Variants in NME7 observed in about 807,000 individuals in gnomAD.
NME7 encodes the protein nucleoside diphosphate kinase 7.
Under a neutral mutation model 49.1 loss-of-function variants are expected in NME7, and 41 were observed. The observed-to-expected ratio is 0.83, with a 90% CI of 0.65 to 1.08. The LOEUF is 1.08. Ranked by LOEUF, NME7 falls within the 50% of genes least tolerant of loss-of-function variation. The pLI, the probability that NME7 is intolerant of heterozygous loss-of-function variation, is 0.00. For synonymous variants in NME7, 139 were observed against 150.6 expected (o/e 0.92, Z 0.56); for missense variants, 423 against 463.4 (o/e 0.91, Z 0.80).
At chr1:169,176,583 T>C (rs1316803270) in intron 10 of NME7, among the ~76,000 whole-genome samples, 1 of 152,152 alleles carries the variant, frequency 6.6e-6, no homozygotes, top group African/African-American at 2.4e-5. Flanking sequence ...GTCTTTTTCA[T>C]TAGGTTTCAA....
chr1:169,133,968 G>A (rs961223778), intron 11 of NME7, among the ~76,000 whole-genome samples: 5 of 152,138 alleles, frequency 3.3e-5, no homozygotes, highest in African/African-American at 4.8e-5. Context: ...ACCTGTTTTC[G>A]TATGTATTGT....
chr1:169,181,364 T>TACAC (rs58453647), intron 10 of NME7, among the ~76,000 whole-genome samples: 2,832 of 91,500 alleles, frequency 0.031, 43 homozygotes, highest in South Asian at 0.053. Context: ...CTCAAATTCC[T>TACAC]ACACACACAC....
Position 169,230,729 on chromosome 1 carries a change from GT to G in NME7, c.978del (p.Pro327LeufsTer39). 1 of 1,596,022 alleles carries G rather than the reference GT, an allele frequency of 6.3e-7. No individual in the cohort carries two copies. Among genetic ancestry groups the G allele is most frequent in the Non-Finnish European group, 8.5e-7 (1 of 1,169,642 alleles). On this transcript the variant is annotated frameshift_variant, in exon 10 of 12. Coordinates refer to ENST00000367811, the MANE Select transcript of NME7 (RefSeq NM_013330.5). LOFTEE classifies it high-confidence loss of function. The part of the protein sequence containing the change: ...NATKTFREFC[G>X]PADPEIARHL... ...AAACAATAACTTACAGGATCAGCAG[GT>G]CCACAAAATTCTCGAAATGTCTTTG...
intron 10 of NME7, among the ~76,000 whole-genome samples, chr1:169,186,591 C>T (rs966651644): frequency 1.3e-5 from 2 of 152,066 alleles, no homozygotes; most frequent in African/African-American, 4.8e-5. Flanking sequence ...GTTTGTATTT[C>T]TGTGGGATTA....
chr1:169,208,742 A>C (rs1660740485), intron 10 of NME7, among the ~76,000 whole-genome samples: 1 of 152,116 alleles, frequency 6.6e-6, no homozygotes, highest in African/African-American at 2.4e-5. Flanking sequence ...GAAGTAAATT[A>C]TGTTAATTAA....
At chr1:169,217,592 T>C (rs888239074) in intron 10 of NME7, among the ~76,000 whole-genome samples, 3 of 152,212 alleles carry the variant, frequency 2.0e-5, no homozygotes, top group Admixed American at 2.0e-4. Flanking sequence ...CTGAAAACTA[T>C]CCAAATTGTA....
rs908410801 is a variant in NME7 at position 169,257,420 on chromosome 1, G to A, written c.755-19733C>T. Among the ~76,000 whole-genome samples the A allele has an allele frequency of 6.7e-5, 9 of 134,102 alleles. 1 individual carries two copies. Among genetic ancestry groups the A allele is most frequent in the South Asian group, 2.3e-4 (1 of 4,350 alleles). The allele number at this position is 134,102 out of a possible 152,430, so 88.0% of individuals were successfully genotyped here. A position where few individuals can be genotyped will look rare whatever the true frequency, so the allele number is the denominator to read the frequency against. ...GTGAGGCAATGCCTCGCCCTGCTTC[G>A]GCTTGCGAACGGTACGCGCACCCAC... On this transcript the variant is annotated intron_variant, in intron 7 of 11. Transcript: ENST00000367811.
intron 11 of NME7, among the ~76,000 whole-genome samples, chr1:169,134,311 A>G (rs982336584): frequency 6.6e-6 from 1 of 152,138 alleles, no homozygotes; most frequent in Non-Finnish European, 1.5e-5. Flanking sequence ...ATTTCTTTTT[A>G]ATCAGTTTAT....
At chr1:169,230,681 A>G (rs1217721182) in intron 10 of NME7, 37 bp downstream of exon 10, 4 of 1,422,488 alleles carry the variant, frequency 2.8e-6, no homozygotes, top group African/African-American at 1.4e-5. Context: ...GTGAATAGAT[A>G]ACACAAACTA....
At chr1:169,188,210 T>G (rs1377606987) in intron 10 of NME7, among the ~76,000 whole-genome samples, 1 of 152,048 alleles carries the variant, frequency 6.6e-6, no homozygotes, top group Non-Finnish European at 1.5e-5. Flanking sequence ...TCTTGGAGAG[T>G]ACATCAGAAA....
chr1:169,161,808 A>G (rs1659253652), intron 11 of NME7, among the ~76,000 whole-genome samples: 1 of 152,192 alleles, frequency 6.6e-6, no homozygotes, highest in South Asian at 2.1e-4. Context: ...ATATTATGGG[A>G]GGGGCCTGAA....
At chr1:169,281,935 T>A (rs1357900917) in intron 7 of NME7, among the ~76,000 whole-genome samples, 1 of 152,198 alleles carries the variant, frequency 6.6e-6, no homozygotes, top group Non-Finnish European at 1.5e-5. Flanking sequence ...TCTTCCAGGT[T>A]TTGGTATCAG....
At chr1:169,351,771 G>T (rs1259904435) in intron 1 of NME7, among the ~76,000 whole-genome samples, 1 of 151,894 alleles carries the variant, frequency 6.6e-6, no homozygotes, top group Non-Finnish European at 1.5e-5. Flanking sequence ...AAATTCAAAA[G>T]ATCATTGATG....
intron 7 of NME7, among the ~76,000 whole-genome samples, chr1:169,242,477 T>C (rs1648131893): frequency 1.3e-5 from 2 of 151,974 alleles, no homozygotes; most frequent in South Asian, 4.1e-4. Context: ...AACATAATAG[T>C]GAAAGACTGA....
chr1:169,175,116 A>AT (rs955609295), intron 10 of NME7, among the ~76,000 whole-genome samples: 88 of 151,902 alleles, frequency 5.8e-4, no homozygotes, highest in African/African-American at 1.9e-3. Flanking sequence ...AGCTTTTTCT[A>AT]TTTTTTAAGT....
At position 169,256,760 on chromosome 1, in the gene NME7, G is replaced by A. The variant is rs1176085231; in HGVS notation, c.755-19073C>T. Among the ~76,000 whole-genome samples the A allele has an allele frequency of 5.5e-5, 7 of 127,192 alleles. 1 individual carries two copies. The highest frequency in any genetic ancestry group is 1.3e-4 in the African/African-American group (5 of 37,884). 83.4% of individuals were successfully genotyped at this position (127,192 alleles called of 152,430 possible). A position where few individuals can be genotyped will look rare whatever the true frequency, so the allele number is the denominator to read the frequency against. ...GGTTTTTGGTGTGGATGTCCTTTCT[G>A]TTTGTTAGTTTTCCTTCTAACAGAC... On this transcript the variant is annotated intron_variant, in intron 7 of 11. Transcript: ENST00000367811.
chr1:169,255,630 C>G (rs1254098287), intron 7 of NME7, among the ~76,000 whole-genome samples: 1 of 125,882 alleles, frequency 7.9e-6, no homozygotes, highest in South Asian at 2.5e-4. Flanking sequence ...TTATTTTGCT[C>G]GTTAGTTGAT....
chr1:169,214,784 G>A (rs538998386), intron 10 of NME7, among the ~76,000 whole-genome samples: 66 of 152,332 alleles, frequency 4.3e-4, no homozygotes, highest in African/African-American at 1.5e-3. Flanking sequence ...CTTTGGCACC[G>A]GCAGAAGCAA....
intron 11 of NME7, among the ~76,000 whole-genome samples, chr1:169,164,054 G>A (rs1659329089): frequency 6.6e-6 from 1 of 150,802 alleles, no homozygotes; most frequent in South Asian, 2.1e-4. Context: ...AGGTTGCAGT[G>A]AGTCGAGACT....
Sources: allele counts gnomAD v4.1 joint callset (sites outside exome capture counted in the v4.1 genomes callset), GRCh38; gene constraint gnomAD v4.1.1; transcripts MANE v1.5; gene names NCBI Gene and HGNC (gene_info 2026-07-23, HGNC 2026-07-21).